Variants in CDH13 observed in about 807,000 individuals in gnomAD.
CDH13 encodes cadherin-13.
In CDH13, 24 loss-of-function variants were observed where a neutral mutation model predicts 63.8. That is an observed-to-expected ratio of 0.38 (90% CI 0.27 to 0.53). The LOEUF (loss-of-function observed/expected upper bound fraction) is 0.53. CDH13 is among the 20% of genes least tolerant of loss of function. CDH13 has a pLI of 0.85. For missense variants in CDH13, 1,049 were observed against 903.1 expected, an observed-to-expected ratio of 1.16 and a Z score of -2.07; for synonymous variants, 503 against 355.3, an observed-to-expected ratio of 1.42 and a Z score of -4.67.
At chr16:83,440,718 G>A (rs2151494660) in intron 6 of CDH13, among the ~76,000 whole-genome samples, 1 of 151,516 alleles carries the variant, frequency 6.6e-6, no homozygotes, top group South Asian at 2.1e-4. Flanking sequence ...CTGGGAGGTG[G>A]AGGCTACAGT....
intron 4 of CDH13, among the ~76,000 whole-genome samples, chr16:83,182,931 A>C (rs1379408086): frequency 6.6e-6 from 1 of 152,124 alleles, no homozygotes; most frequent in Non-Finnish European, 1.5e-5. Flanking sequence ...CTCTTGTATT[A>C]GATGTTCAGT....
chr16:83,303,659 C>G (rs1238205190), intron 5 of CDH13, among the ~76,000 whole-genome samples: 1 of 152,130 alleles, frequency 6.6e-6, no homozygotes, highest in Non-Finnish European at 1.5e-5. Flanking sequence ...CTTCAACGAA[C>G]AGCCTTATCC....
At chr16:82,680,751 C>T (rs567021045) in intron 1 of CDH13, among the ~76,000 whole-genome samples, 2 of 152,226 alleles carry the variant, frequency 1.3e-5, no homozygotes, top group South Asian at 4.1e-4. Flanking sequence ...TACTTGAGGC[C>T]TATCAATAGC....
intron 4 of CDH13, among the ~76,000 whole-genome samples, chr16:83,144,445 A>G (rs1305212759): frequency 6.6e-6 from 1 of 152,252 alleles, no homozygotes; most frequent in Non-Finnish European, 1.5e-5. Flanking sequence ...GCCAATTTCT[A>G]TGTTCTAGTT....
intron 1 of CDH13, among the ~76,000 whole-genome samples, chr16:82,846,019 C>T (rs934548378): frequency 6.6e-6 from 1 of 152,152 alleles, no homozygotes; most frequent in African/African-American, 2.4e-5. Context: ...TCTGTTTTAT[C>T]CAAACTGAAG....
At chr16:83,262,297 G>A (rs1486152596) in intron 5 of CDH13, among the ~76,000 whole-genome samples, 4 of 152,194 alleles carry the variant, frequency 2.6e-5, no homozygotes, top group Non-Finnish European at 4.4e-5. Context: ...CCCATGGGGG[G>A]AGGACATTAA....
At chr16:82,929,873 A>G (rs184105490) in intron 2 of CDH13, among the ~76,000 whole-genome samples, 16 of 151,864 alleles carry the variant, frequency 1.1e-4, no homozygotes, top group Non-Finnish European at 1.8e-4. Context: ...AGGAGTAGTC[A>G]TAACAAATCT....
At chr16:83,537,723 C>T (rs1423912366) in intron 7 of CDH13, among the ~76,000 whole-genome samples, 1 of 152,110 alleles carries the variant, frequency 6.6e-6, no homozygotes, top group African/African-American at 2.4e-5. Flanking sequence ...AGAAATAAAT[C>T]TATATTAGAT....
At chr16:82,654,527 A>G (rs1911080928) in intron 1 of CDH13, among the ~76,000 whole-genome samples, 1 of 152,196 alleles carries the variant, frequency 6.6e-6, no homozygotes, top group Non-Finnish European at 1.5e-5. Context: ...TCTTAAACCT[A>G]ATAATGGCTT....
intron 7 of CDH13, among the ~76,000 whole-genome samples, chr16:83,495,281 A>G (rs938224827): frequency 6.6e-6 from 1 of 152,236 alleles, no homozygotes; most frequent in Non-Finnish European, 1.5e-5. Context: ...AGGCAGGACA[A>G]CTGGAGGAGG....
At chr16:83,078,007 G>T (rs1022167130) in intron 3 of CDH13, among the ~76,000 whole-genome samples, 1 of 152,124 alleles carries the variant, frequency 6.6e-6, no homozygotes, top group African/African-American at 2.4e-5. Context: ...GGAACATTTT[G>T]TTCGTTTATT....
intron 1 of CDH13, among the ~76,000 whole-genome samples, chr16:82,847,812 C>T (rs1283561507): frequency 1.3e-5 from 2 of 152,146 alleles, no homozygotes; most frequent in East Asian, 1.9e-4. Flanking sequence ...AGAGAAATCA[C>T]CACACAGCCA....
chr16:82,631,571 A>G (rs1908012470), intron 1 of CDH13, among the ~76,000 whole-genome samples: 1 of 152,184 alleles, frequency 6.6e-6, no homozygotes, highest in Admixed American at 6.5e-5. Flanking sequence ...CTCCTGAAGG[A>G]TGCTGCCAAT....
rs114179845 is a variant in CDH13 at position 82,877,001 on chromosome 16, A to C, written c.157+18528A>C. On this transcript the variant is annotated intron_variant, in intron 2 of 13. Transcript: ENST00000567109. ...TACTATACAGTAAATACAACTTCTC[A>C]AAGTAGAAGATAACTGGTGTTAAAA... 4.0e-3 allele frequency among the ~76,000 whole-genome samples: 615 copies of C among 152,338 alleles called. 3 individuals are homozygous for C. The highest frequency in any genetic ancestry group is 0.014 in the African/African-American group (577 of 41,574).
chr16:83,204,396 G>A (rs1302894166), intron 4 of CDH13, among the ~76,000 whole-genome samples: 1 of 152,206 alleles, frequency 6.6e-6, no homozygotes, highest in Non-Finnish European at 1.5e-5. Flanking sequence ...AATAGCATGT[G>A]CCGGAGTCAG....
At chr16:83,084,095 A>C (rs1047081987) in intron 3 of CDH13, among the ~76,000 whole-genome samples, 11 of 152,190 alleles carry the variant, frequency 7.2e-5, no homozygotes, top group African/African-American at 2.4e-4. Context: ...GGCAAAAACC[A>C]ATTTTCAGAA....
chr16:83,423,741 CAT>C (rs948240087), intron 6 of CDH13, among the ~76,000 whole-genome samples: 4 of 152,142 alleles, frequency 2.6e-5, no homozygotes, highest in African/African-American at 4.8e-5. Context: ...AGGATCAAAA[CAT>C]GTGTTTCTGG....
At chr16:82,815,334 C>G (rs60624258) in intron 1 of CDH13, among the ~76,000 whole-genome samples, 2,892 of 152,228 alleles carry the variant, frequency 0.019, 95 homozygotes, top group African/African-American at 0.064. Flanking sequence ...CTCTCACTCT[C>G]TGCCTCAGTT....
intron 2 of CDH13, among the ~76,000 whole-genome samples, chr16:82,980,599 A>G (rs1318302753): frequency 6.6e-6 from 1 of 152,176 alleles, no homozygotes; most frequent in African/African-American, 2.4e-5. Context: ...ATCTCTTTCA[A>G]TCCTCCCAAC....
Sources: gnomAD v4.1 joint callset for allele counts (sites outside exome capture counted in the v4.1 genomes callset) on GRCh38, gnomAD v4.1.1 for gene constraint, MANE v1.5 for transcripts, NCBI Gene and HGNC (gene_info 2026-07-23, HGNC 2026-07-21) for gene names.